The following TMEM132D variants were observed in gnomAD, a reference collection of about 807,000 sequenced individuals.
TMEM132D encodes the protein mature OL transmembrane protein.
A neutral mutation model predicts 62.3 loss-of-function variants in TMEM132D; 21 were observed. The ratio of observed to expected loss-of-function variants is 0.34; its 90% CI spans 0.24 to 0.49. TMEM132D has a LOEUF of 0.49. TMEM132D is among the 20% of genes least tolerant of loss of function. The pLI is 0.99. For synonymous variants in TMEM132D, 621 were observed against 575.6 expected (o/e 1.08, Z -1.13); for missense variants, 1,346 against 1,402.8 (o/e 0.96, Z 0.65).
chr12:129,199,367 G>A (rs1373183520), intron 5 of TMEM132D, among the ~76,000 whole-genome samples: 1 of 152,140 alleles, frequency 6.6e-6, no homozygotes, highest in Non-Finnish European at 1.5e-5. Context: ...CTCCCAAATT[G>A]TTGGGATTAC....
chr12:129,474,907 A>G (rs1160858936), intron 3 of TMEM132D, among the ~76,000 whole-genome samples: 2 of 152,216 alleles, frequency 1.3e-5, no homozygotes, highest in Non-Finnish European at 2.9e-5. Context: ...CTGGATGCAC[A>G]GAAGGCTGGG....
chr12:129,263,048 C>T (rs550482487), intron 4 of TMEM132D, among the ~76,000 whole-genome samples: 147 of 152,244 alleles, frequency 9.7e-4, no homozygotes, highest in African/African-American at 3.4e-3. Context: ...TCTCCATTTC[C>T]CTGAGCACTT....
chr12:129,628,056 G>A (rs962152766), intron 2 of TMEM132D, among the ~76,000 whole-genome samples: 3 of 152,180 alleles, frequency 2.0e-5, no homozygotes, highest in African/African-American at 4.8e-5. Flanking sequence ...ATTATTGCAA[G>A]TGTTTTAAGA....
At chr12:129,389,436 A>G (rs1282811907) in intron 3 of TMEM132D, among the ~76,000 whole-genome samples, 1 of 152,092 alleles carries the variant, frequency 6.6e-6, no homozygotes, top group African/African-American at 2.4e-5. Context: ...TACCAACACT[A>G]ACACCAATCT....
chr12:129,383,574 G>T (rs545013778), intron 3 of TMEM132D, among the ~76,000 whole-genome samples: 1 of 152,104 alleles, frequency 6.6e-6, no homozygotes, highest in Non-Finnish European at 1.5e-5. Flanking sequence ...CTCAGCCTGG[G>T]ATTACAGGTG....
intron 3 of TMEM132D, among the ~76,000 whole-genome samples, chr12:129,339,900 A>T (rs1275791630): frequency 6.6e-6 from 1 of 152,232 alleles, no homozygotes; most frequent in Non-Finnish European, 1.5e-5. Flanking sequence ...ATATGTCCAC[A>T]TCACATTCTA....
intron 1 of TMEM132D, among the ~76,000 whole-genome samples, chr12:129,823,745 G>C (rs1182380314): frequency 6.6e-6 from 1 of 152,176 alleles, no homozygotes. Context: ...TCACTTGCTA[G>C]CTATGTCACA....
rs553561683 is a variant in TMEM132D, at chr12:129,607,180, C to T, written c.969-75975G>A. 7.2e-5 allele frequency among the ~76,000 whole-genome samples: 11 copies of T among 152,186 alleles called. No individual in the cohort carries two copies. The East Asian group carries it at 2.1e-3, about 29-fold the overall frequency. On this transcript the variant is annotated intron_variant, in intron 2 of 8. Transcript: ENST00000422113. ...AATGTGGCAAAGCTGGTATCCTCAC[C>T]ATCACAGTTTATTATAGCGAAATGA...
At chr12:129,823,402 T>C (rs1872585621) in intron 1 of TMEM132D, among the ~76,000 whole-genome samples, 2 of 152,262 alleles carry the variant, frequency 1.3e-5, no homozygotes, top group African/African-American at 4.8e-5. Flanking sequence ...GCATAAGCCA[T>C]ATTTTTTATA....
rs569439433 is a variant in TMEM132D at position 129,119,239 on chromosome 12, G to A, written c.1444-34537C>T. On this transcript the variant is annotated intron_variant, in intron 5 of 8. Transcript: ENST00000422113. ...CATGCAGTTGGATTTAGGAGTACAC[G>A]TAGATATACTGTGTAGTGCTAAGTC... Among the ~76,000 whole-genome samples, 176 of 152,286 alleles carry A rather than the reference G, an allele frequency of 1.2e-3. 1 individual carries two copies. Among genetic ancestry groups the A allele is most frequent in the African/African-American group, 4.0e-3 (167 of 41,566 alleles).
intron 5 of TMEM132D, among the ~76,000 whole-genome samples, chr12:129,091,419 G>C (rs1874911762): frequency 6.8e-6 from 1 of 148,006 alleles, no homozygotes; most frequent in Non-Finnish European, 1.5e-5. Flanking sequence ...TGGGCTCTGA[G>C]GACCTTACCT....
chr12:129,081,112 C>T (rs1874433168), intron 7 of TMEM132D, among the ~76,000 whole-genome samples: 2 of 152,176 alleles, frequency 1.3e-5, no homozygotes, highest in African/African-American at 4.8e-5. Context: ...AAGTTGCTGG[C>T]CGTGCCTGTG....
intron 4 of TMEM132D, among the ~76,000 whole-genome samples, chr12:129,260,662 C>A (rs1341779484): frequency 6.6e-6 from 1 of 152,152 alleles, no homozygotes; most frequent in African/African-American, 2.4e-5. Flanking sequence ...TCTCTCACCC[C>A]ACTCTCAACC....
chr12:129,603,253 T>C (rs1053550142), intron 2 of TMEM132D, among the ~76,000 whole-genome samples: 1 of 152,212 alleles, frequency 6.6e-6, no homozygotes, highest in African/African-American at 2.4e-5. Flanking sequence ...ACTGTTACCA[T>C]ATCATACAGA....
intron 5 of TMEM132D, among the ~76,000 whole-genome samples, chr12:129,164,830 A>G (rs75998279): frequency 0.02 from 3,017 of 152,304 alleles, 107 homozygotes; most frequent in African/African-American, 0.069. Context: ...GGATTACAAG[A>G]TGAGATTTGG....
intron 2 of TMEM132D, among the ~76,000 whole-genome samples, chr12:129,576,745 T>C (rs1394166687): frequency 6.6e-6 from 1 of 151,860 alleles, no homozygotes; most frequent in Non-Finnish European, 1.5e-5. Flanking sequence ...CTACTGTTGA[T>C]GGGTAGCCTC....
At chr12:129,105,879 A>C (rs1414801952) in intron 5 of TMEM132D, among the ~76,000 whole-genome samples, 2 of 150,898 alleles carry the variant, frequency 1.3e-5, no homozygotes, top group Non-Finnish European at 2.9e-5. Context: ...GGGATCTAGA[A>C]CTAGAAATAC....
chr12:129,798,296 G>A (rs1007756748), intron 1 of TMEM132D, among the ~76,000 whole-genome samples: 2 of 152,176 alleles, frequency 1.3e-5, no homozygotes, highest in African/African-American at 4.8e-5. Flanking sequence ...AAAGAAAAAC[G>A]GAGTCAGATT....
At chr12:129,338,907 G>A (rs1185006662) in intron 3 of TMEM132D, among the ~76,000 whole-genome samples, 1 of 152,114 alleles carries the variant, frequency 6.6e-6, no homozygotes. Context: ...TAGGAGGGAT[G>A]AGATGGAAAA....
Sources: allele counts gnomAD v4.1 joint callset (sites outside exome capture counted in the v4.1 genomes callset), GRCh38; gene constraint gnomAD v4.1.1; transcripts MANE v1.5; gene names NCBI Gene and HGNC (gene_info 2026-07-23, HGNC 2026-07-21).